PPP3CA: variants seen among roughly 807,000 people sequenced by gnomAD.
PPP3CA encodes CAM-PRP catalytic subunit.
PPP3CA carries 14 observed loss-of-function variants against 66.5 expected under a neutral mutation model. The observed-to-expected ratio is 0.21, with a 90% CI of 0.14 to 0.33. The LOEUF (loss-of-function observed/expected upper bound fraction) is 0.33, where lower values mean the gene tolerates loss of function less well. PPP3CA is among the 10% of genes least tolerant of loss of function. The pLI, the probability that PPP3CA is intolerant of heterozygous loss-of-function variation, is 1.00. For missense variants in PPP3CA, 317 were observed against 639.5 expected, an observed-to-expected ratio of 0.50 and a Z score of 5.44; for synonymous variants, 232 against 226.2, an observed-to-expected ratio of 1.03 and a Z score of -0.23.
At chr4:101,109,139 A>C in intron 2 of PPP3CA, 61 bp from the exon 3 acceptor site, 3 of 1,468,856 alleles carry the variant, frequency 2.0e-6, no homozygotes, top group Non-Finnish European at 2.8e-6. Context: ...TTAAATAATA[A>C]AATTACAAAA....
chr4:101,272,231 C>T (rs1235611175), intron 1 of PPP3CA, among the ~76,000 whole-genome samples: 1 of 152,096 alleles, frequency 6.6e-6, no homozygotes. Context: ...ATATACTTGG[C>T]CTGTTACATT....
At chr4:101,071,578 A>G (rs1241572720) in intron 8 of PPP3CA, among the ~76,000 whole-genome samples, 4 of 152,236 alleles carry the variant, frequency 2.6e-5, no homozygotes. Context: ...CAGGGCTATC[A>G]GACAACGGAA....
intron 2 of PPP3CA, among the ~76,000 whole-genome samples, chr4:101,166,967 C>G (rs1560636605): frequency 6.6e-6 from 1 of 152,136 alleles, no homozygotes; most frequent in Non-Finnish European, 1.5e-5. Context: ...TTTTCTTAGT[C>G]TTTCTTGTCC....
chr4:101,095,704 T>G (rs1730164480), intron 5 of PPP3CA, among the ~76,000 whole-genome samples: 1 of 152,134 alleles, frequency 6.6e-6, no homozygotes, highest in South Asian at 2.1e-4. Flanking sequence ...CAGGCTGGAG[T>G]GCAGTGGCAC....
chr4:101,179,427 C>T (rs1724166705), intron 2 of PPP3CA, among the ~76,000 whole-genome samples: 1 of 152,136 alleles, frequency 6.6e-6, no homozygotes, highest in Non-Finnish European at 1.5e-5. Context: ...ACCACCACCA[C>T]TGGTCTCAAT....
At chr4:101,225,118 T>C (rs904694672) in intron 1 of PPP3CA, among the ~76,000 whole-genome samples, 1 of 151,830 alleles carries the variant, frequency 6.6e-6, no homozygotes, top group South Asian at 2.1e-4. Flanking sequence ...GTTCTGAGAC[T>C]TTCCCTAACC....
At chr4:101,029,701 G>A (rs778689912) in intron 12 of PPP3CA, among the ~76,000 whole-genome samples, 1 of 151,530 alleles carries the variant, frequency 6.6e-6, no homozygotes, top group Non-Finnish European at 1.5e-5. Flanking sequence ...TTCCTGATGT[G>A]ATGGAAAAAC....
chr4:101,179,057 A>C (rs1284688441), intron 2 of PPP3CA, among the ~76,000 whole-genome samples: 1 of 152,096 alleles, frequency 6.6e-6, no homozygotes, highest in Non-Finnish European at 1.5e-5. Flanking sequence ...CACCAATCTT[A>C]CAAATCCCTT....
intron 1 of PPP3CA, among the ~76,000 whole-genome samples, chr4:101,212,771 G>A (rs1395418317): frequency 6.6e-6 from 1 of 151,816 alleles, no homozygotes; most frequent in African/African-American, 2.4e-5. Context: ...AAACTACTGG[G>A]CTTTTCCAAG....
intron 1 of PPP3CA, among the ~76,000 whole-genome samples, chr4:101,230,908 A>T (rs2110223590): frequency 6.6e-6 from 1 of 151,790 alleles, no homozygotes; most frequent in Middle Eastern, 3.4e-3. Context: ...TCTCTGAACT[A>T]TTTAACTGTC....
chr4:101,159,207 C>T (rs1300224441), intron 2 of PPP3CA, among the ~76,000 whole-genome samples: 2 of 152,024 alleles, frequency 1.3e-5, no homozygotes, highest in Admixed American at 1.3e-4. Context: ...AAGAAGAGCT[C>T]GTTAGGTGGT....
chr4:101,325,397 C>T (rs1399306246), intron 1 of PPP3CA, among the ~76,000 whole-genome samples: 2 of 152,126 alleles, frequency 1.3e-5, no homozygotes, highest in African/African-American at 4.8e-5. Context: ...CATTCCTTAA[C>T]AAATCATAAT....
At position 101,114,063 on chromosome 4, in the gene PPP3CA, T is replaced by C. The variant is rs149041350; in HGVS notation, c.260-4985A>G. Among the ~76,000 whole-genome samples the C allele has an allele frequency of 1.8e-3, 276 of 152,210 alleles. 1 individual carries two copies. Among genetic ancestry groups the C allele is most frequent in the Middle Eastern group, 0.014 (4 of 294 alleles). On this transcript the variant is annotated intron_variant, in intron 2 of 13. Coordinates refer to ENST00000394854, the MANE Select transcript of PPP3CA (RefSeq NM_000944.5). ...CCCATTATTTGCTTCCTATTCCTAA[T>C]TAGAATGCTGGTGGGTGGGGTACCC...
In PPP3CA at chr4:101,347,031, C is replaced by A; in HGVS notation, c.-235G>T. On this transcript the variant is annotated 5_prime_UTR_variant, in exon 1 of 14. Transcript: ENST00000394854. Reference sequence around the variant, plus strand: ...CCGCCGCTGCCGCCAGCCCCGCCGACTCGCTCCGGGCTGCGCGTGTGTGGT... The same window carrying A: ...CCGCCGCTGCCGCCAGCCCCGCCGAATCGCTCCGGGCTGCGCGTGTGTGGT... 1 of 594,862 alleles carries A rather than the reference C, an allele frequency of 1.7e-6. No homozygotes were observed. Among genetic ancestry groups the A allele is most frequent in the Non-Finnish European group, 2.9e-6 (1 of 340,116 alleles). The allele number at this position is 594,862 out of a possible 1,614,324, so 36.8% of individuals were successfully genotyped here.
intron 10 of PPP3CA, among the ~76,000 whole-genome samples, chr4:101,052,443 C>T (rs1728051822): frequency 6.6e-6 from 1 of 151,832 alleles, no homozygotes; most frequent in Non-Finnish European, 1.5e-5. Flanking sequence ...ATGAAACAAG[C>T]AGTTTTCTGT....
chr4:101,027,923 A>T (rs1411918153), intron 13 of PPP3CA, among the ~76,000 whole-genome samples: 1 of 152,208 alleles, frequency 6.6e-6, no homozygotes, highest in African/African-American at 2.4e-5. Context: ...TAGTATACTT[A>T]ACACAACACA....
At chr4:101,280,085 A>G (rs1727631398) in intron 1 of PPP3CA, among the ~76,000 whole-genome samples, 1 of 152,222 alleles carries the variant, frequency 6.6e-6, no homozygotes, top group Non-Finnish European at 1.5e-5. Flanking sequence ...TGTAGTAAGA[A>G]ATGGGAACAC....
chr4:101,132,661 A>C (rs1400396349), intron 2 of PPP3CA, among the ~76,000 whole-genome samples: 1 of 152,220 alleles, frequency 6.6e-6, no homozygotes, highest in Non-Finnish European at 1.5e-5. Flanking sequence ...GCCGAATTCT[A>C]CCAGAGGTAC....
chr4:101,128,950 C>T (rs1307497418), intron 2 of PPP3CA, among the ~76,000 whole-genome samples: 1 of 152,152 alleles, frequency 6.6e-6, no homozygotes, highest in Non-Finnish European at 1.5e-5. Context: ...AGTGGTCTTG[C>T]TCAGCAGATC....
Sources: gnomAD v4.1 joint callset for allele counts (sites outside exome capture counted in the v4.1 genomes callset) on GRCh38, gnomAD v4.1.1 for gene constraint, MANE v1.5 for transcripts, NCBI Gene and HGNC (gene_info 2026-07-23, HGNC 2026-07-21) for gene names.